Variants in ITGA8 observed in about 807,000 individuals in gnomAD.
ITGA8 encodes integrin alpha-8.
A neutral mutation model predicts 142.3 loss-of-function variants in ITGA8; 91 were observed. The observed-to-expected ratio is 0.64, with a 90% CI of 0.54 to 0.76. The LOEUF is 0.76. ITGA8 is among the 30% of genes least tolerant of loss of function. ITGA8 has a pLI of 0.00. For missense variants in ITGA8, 1,406 were observed against 1,327.7 expected (o/e 1.06, Z -0.92); for synonymous variants, 505 against 485.2 (o/e 1.04, Z -0.54).
At chr10:15,703,073 TAA>T (rs1835195133) in intron 2 of ITGA8, among the ~76,000 whole-genome samples, 1 of 152,238 alleles carries the variant, frequency 6.6e-6, no homozygotes, top group Non-Finnish European at 1.5e-5. Context: ...ATTTAAATAT[TAA>T]GTTTCATATA....
intron 23 of ITGA8, among the ~76,000 whole-genome samples, chr10:15,580,729 A>G (rs1588656631): frequency 6.6e-6 from 1 of 152,350 alleles, no homozygotes; most frequent in East Asian, 1.9e-4. Context: ...AAAACTAAAC[A>G]TACATTCATG....
chr10:15,671,197 C>G (rs2039909), intron 8 of ITGA8, among the ~76,000 whole-genome samples: 87,812 of 151,862 alleles, frequency 0.58, 26,434 homozygotes, highest in South Asian at 0.75. Flanking sequence ...GAGGAAAAAG[C>G]AAGTAAGGTT....
chr10:15,519,256 T>G (rs1378849857), intron 29 of ITGA8, 34 bp downstream of exon 29: 2 of 1,610,936 alleles, frequency 1.2e-6, no homozygotes, highest in Non-Finnish European at 1.7e-6. Flanking sequence ...ACAGCCCCTC[T>G]AGTTTAAAAG....
chr10:15,688,927 A>G lies in ITGA8; in HGVS notation c.344-889T>C, dbSNP rs996617842. ...GTGAAAAGTTGAAATCTTTTCCTCT[A>G]AGATCAGGAACAAATGCTCACTCTC... On this transcript the variant is annotated intron_variant, in intron 2 of 29. Transcript: ENST00000378076. Among the ~76,000 whole-genome samples, 9 of 152,330 alleles carry G rather than the reference A, an allele frequency of 5.9e-5. 1 individual carries two copies. Among genetic ancestry groups the G allele is most frequent in the African/African-American group, 2.2e-4 (9 of 41,570 alleles).
At chr10:15,588,397 G>T (rs1042601845) in intron 22 of ITGA8, among the ~76,000 whole-genome samples, 1 of 152,140 alleles carries the variant, frequency 6.6e-6, no homozygotes, top group Non-Finnish European at 1.5e-5. Flanking sequence ...TTCACCAGAG[G>T]CTGAACCCCA....
Position 15,600,480 on chromosome 10 carries a change from T to A in ITGA8, c.2119-3181A>T, listed in dbSNP as rs1833085093. ...TTAGTGTGTTGGGAGGAGAAACGGC[T>A]GGAACAAGCTCTCCGTGTCATTACA... On this transcript the variant is annotated intron_variant, in intron 20 of 29. Transcript: ENST00000378076. 6.6e-5 allele frequency among the ~76,000 whole-genome samples: 10 copies of A among 152,164 alleles called. No individual in the cohort carries two copies. In the South Asian group the frequency reaches 2.1e-3, roughly 32 times the overall value.
chr10:15,552,616 T>C (rs758211351), intron 26 of ITGA8, among the ~76,000 whole-genome samples: 49 of 152,214 alleles, frequency 3.2e-4, no homozygotes, highest in African/African-American at 3.6e-4. Context: ...ACATGTGCCA[T>C]GGTGGTTTGC....
At chr10:15,702,137 C>G (rs1017670684) in intron 2 of ITGA8, among the ~76,000 whole-genome samples, 1 of 151,886 alleles carries the variant, frequency 6.6e-6, no homozygotes, top group Non-Finnish European at 1.5e-5. Context: ...TTACGATGTT[C>G]GAGAGATGTG....
At position 15,595,882 on chromosome 10, in the gene ITGA8, G is replaced by A. The variant is rs532098487; in HGVS notation, c.2211+1325C>T. ...GGAGTTCGAGACCAGCCTGGCCCCC[G>A]TCTCTACTAAAAATACAAAATTAGC... On this transcript the variant is annotated intron_variant, in intron 21 of 29. Coordinates refer to ENST00000378076, the MANE Select transcript of ITGA8 (RefSeq NM_003638.3). Among the ~76,000 whole-genome samples the A allele has an allele frequency of 4.6e-5, 7 of 152,124 alleles. No homozygotes were observed. In the South Asian group the frequency reaches 6.2e-4, roughly 14 times the overall value.
At chr10:15,581,684 A>G (rs139283151) in intron 23 of ITGA8, among the ~76,000 whole-genome samples, 9 of 152,350 alleles carry the variant, frequency 5.9e-5, no homozygotes, top group African/African-American at 2.2e-4. Context: ...AGTTTTATAG[A>G]AGATACTAGG....
intron 22 of ITGA8, among the ~76,000 whole-genome samples, chr10:15,589,764 A>ATT (rs5783452): frequency 0.081 from 11,081 of 137,560 alleles, 625 homozygotes; most frequent in South Asian, 0.2. Flanking sequence ...CAAACGCTGT[A>ATT]TTTTTTTTTT....
At chr10:15,579,585 A>T (rs1359096792) in intron 23 of ITGA8, among the ~76,000 whole-genome samples, 1 of 152,128 alleles carries the variant, frequency 6.6e-6, no homozygotes, top group Non-Finnish European at 1.5e-5. Flanking sequence ...GTTCATATAC[A>T]TTAATTGTAA....
In ITGA8 at chr10:15,633,188, A is replaced by G. The variant is rs142529192; in HGVS notation, c.1399+10842T>C. ...TGTCCCCAGTCCACCTTTCATTTTT[A>G]CCTCTCTCCATGTATGCTTCCATCA... On this transcript the variant is annotated intron_variant, in intron 13 of 29. Coordinates refer to ENST00000378076, the MANE Select transcript of ITGA8 (RefSeq NM_003638.3). 4.5e-3 allele frequency among the ~76,000 whole-genome samples: 691 copies of G among 151,876 alleles called. 4 individuals are homozygous for G. The highest frequency in any genetic ancestry group is 6.7e-3 in the Non-Finnish European group (456 of 67,934).
intron 27 of ITGA8, among the ~76,000 whole-genome samples, chr10:15,544,261 T>G (rs1243198374): frequency 6.6e-6 from 1 of 151,870 alleles, no homozygotes; most frequent in East Asian, 1.9e-4. Context: ...CTGCACCACT[T>G]CACTCCAGCT....
At chr10:15,669,102 C>A (rs546770152) in intron 8 of ITGA8, among the ~76,000 whole-genome samples, 4 of 152,254 alleles carry the variant, frequency 2.6e-5, no homozygotes, top group African/African-American at 9.6e-5. Flanking sequence ...TGGGTAATAT[C>A]CTGCAGAGTG....
intron 23 of ITGA8, among the ~76,000 whole-genome samples, chr10:15,575,953 G>A (rs893293407): frequency 6.6e-6 from 1 of 150,708 alleles, no homozygotes; most frequent in African/African-American, 2.5e-5. Context: ...GTGTGTGTGT[G>A]TGTGTGTGTG....
At chr10:15,579,438 G>T (rs1834362467) in intron 23 of ITGA8, among the ~76,000 whole-genome samples, 2 of 152,092 alleles carry the variant, frequency 1.3e-5, no homozygotes, top group East Asian at 3.9e-4. Context: ...TCAGCCATTA[G>T]CTGTCTTGGA....
At chr10:15,694,322 T>TGATAATATATCATATATCA (rs1455582087) in intron 2 of ITGA8, among the ~76,000 whole-genome samples, 1 of 11,926 alleles carries the variant, frequency 8.4e-5, no homozygotes, top group African/African-American at 1.3e-4. Flanking sequence ...ATCATATATA[T>TGATAATATATCATATATCA]GATAATATAT....
At chr10:15,542,205 G>A (rs554813791) in intron 27 of ITGA8, among the ~76,000 whole-genome samples, 9 of 152,236 alleles carry the variant, frequency 5.9e-5, no homozygotes, top group Non-Finnish European at 8.8e-5. Context: ...TTGTATGATC[G>A]AATCTTGCAA....
Sources: gnomAD v4.1 joint callset for allele counts (sites outside exome capture counted in the v4.1 genomes callset) on GRCh38, gnomAD v4.1.1 for gene constraint, MANE v1.5 for transcripts, NCBI Gene and HGNC (gene_info 2026-07-23, HGNC 2026-07-21) for gene names.